RABL6: variants seen among roughly 807,000 people sequenced by gnomAD.
RABL6 encodes the protein RAB, member RAS oncogene family like 6.
A neutral mutation model predicts 72.9 loss-of-function variants in RABL6; 28 were observed. The observed-to-expected ratio is 0.38, with a 90% confidence interval of 0.28 to 0.53. RABL6 has a LOEUF of 0.53. RABL6 is among the 20% of genes least tolerant of loss of function. The pLI is 0.80. For missense variants in RABL6, 1,029 were observed against 1,008.4 expected (o/e 1.02, Z -0.28); for synonymous variants, 477 against 421.2 (o/e 1.13, Z -1.62).
In RABL6 at chr9:136,832,358, T is replaced by G; in HGVS notation, c.693T>G (p.Phe231Leu). Residue 231 changes from phenylalanine (F) to leucine (L), a missense_variant, in exon 7 of 15, where the codon TTT becomes TTG. Coordinates refer to ENST00000311502, the MANE Select transcript of RABL6 (RefSeq NM_024718.5). ...KYLHKFFNIP[F>L]LQLQRETLLR... ...TTCATAAGTTCTTCAATATCCCATTTTTGCAGCTTCAGGTAAGCACTCACC... is the reference window on the plus strand; with the variant it reads ...TTCATAAGTTCTTCAATATCCCATTGTTGCAGCTTCAGGTAAGCACTCACC... 1 of 1,613,134 alleles carries G rather than the reference T, an allele frequency of 6.2e-7. No individual in the cohort carries two copies. Among genetic ancestry groups the G allele is most frequent in the Non-Finnish European group, 8.5e-7 (1 of 1,179,128 alleles).
At chr9:136,821,593 C>T (rs1290472071) in intron 1 of RABL6, 15 of 987,180 alleles carry the variant, frequency 1.5e-5, no homozygotes, top group East Asian at 1.1e-4. Context: ...GAGCCCAGAG[C>T]TGTGGGCCGC....
intron 3 of RABL6, 121 bp downstream of exon 3, chr9:136,825,947 G>C (rs1391206421): frequency 1.7e-6 from 2 of 1,211,724 alleles, no homozygotes; most frequent in East Asian, 4.7e-5. Flanking sequence ...GGTGCCCAGG[G>C]TCTTGCTGCT....
intron 4 of RABL6, 83 bp downstream of exon 4, chr9:136,828,629 G>C: frequency 1.4e-6 from 2 of 1,453,038 alleles, no homozygotes; most frequent in South Asian, 2.3e-5. Context: ...ACACGCTTTT[G>C]ACCCCAACCA....
chr9:136,824,303 CGTTT>C (rs1848304611), intron 2 of RABL6, among the ~76,000 whole-genome samples: 1 of 131,374 alleles, frequency 7.6e-6, no homozygotes, highest in Non-Finnish European at 1.6e-5. Context: ...TTTGTTTGTT[CGTTT>C]GTTTTTTGGT....
intron 1 of RABL6, among the ~76,000 whole-genome samples, chr9:136,816,725 G>GC (rs1491212671): frequency 2.0e-5 from 2 of 101,600 alleles, no homozygotes; most frequent in Admixed American, 9.3e-5. Context: ...TCAAAAAAAA[G>GC]GGGGGGGGGG....
Position 136,837,564 on chromosome 9 carries a change from C to A in RABL6, c.1028C>A (p.Pro343His), listed in dbSNP as rs542433243. ...CCTGTACCACCCTCAGAGGCCCTGC[C>A]CCCACCTGCGTGCCCCTCAGCCCCC... ...VPPVPPSEALPPPACPSAPAP... is the reference protein window; with the variant it reads ...VPPVPPSEALHPPACPSAPAP... Residue 343 changes from proline (P) to histidine (H), a missense_variant, in exon 9 of 15, where the codon CCC (proline) becomes CAC (histidine). Pro to His is a moderately conservative substitution (Grantham distance 77). Around this residue, in one of 2 missense-constraint regions of RABL6, gnomAD observed 434 missense variants for 536.1 expected, o/e 0.81. Transcript: ENST00000311502. The A allele has an allele frequency of 3.2e-6, 5 of 1,570,788 alleles. No homozygotes were observed. In the South Asian group the frequency reaches 5.8e-5, roughly 18 times the overall value.
At chr9:136,834,174 T>C in intron 7 of RABL6, 4 of 1,267,520 alleles carry the variant, frequency 3.2e-6, no homozygotes, top group East Asian at 2.9e-5. Flanking sequence ...TTTCAGGCCT[T>C]CTTTATGTCA....
In RABL6 at chr9:136,839,335, C is replaced by T. The variant is rs1848643885; in HGVS notation, c.1607C>T (p.Thr536Ile). 1.2e-6 allele frequency: 2 copies of T among 1,612,554 alleles called. No individual in the cohort carries two copies. Among genetic ancestry groups the T allele is most frequent in the Admixed American group, 1.7e-5 (1 of 59,968 alleles). The change falls in exon 12 of 15, where the codon ACC becomes ATC. Residue 536 changes from threonine (T) to isoleucine (I), a missense_variant. Coordinates refer to ENST00000311502, the MANE Select transcript of RABL6 (RefSeq NM_024718.5). ...VRTGPEKRSS[T>I]RPPAEMEPGK... ...ACAGGTCCGGAGAAGCGCAGCAGCA[C>T]CAGGCCCCCTGCTGAGATGGAGCCG...
At position 136,808,035 on chromosome 9, in the gene RABL6, C is replaced by T. The variant is rs2131145229; in HGVS notation, c.-162C>T. On this transcript the variant is annotated 5_prime_UTR_variant, in exon 1 of 15. Transcript: ENST00000311502. The stretch of plus-strand genomic sequence containing the variant: ...AGCCGCGGCTGAGGTTCCCGAGTCG[C>T]CGCTCGGGGCTGCGCTCCGCCGCCG... 1 of 1,057,226 alleles carries T rather than the reference C, an allele frequency of 9.5e-7. No homozygotes were observed. The highest frequency in any genetic ancestry group is 5.5e-5 in the Admixed American group (1 of 18,276). 65.5% of individuals were successfully genotyped at this position (1,057,226 alleles called of 1,614,324 possible). A position where few individuals can be genotyped will look rare whatever the true frequency, so the allele number is the denominator to read the frequency against.
chr9:136,830,123 G>T (rs1219297475), intron 5 of RABL6, among the ~76,000 whole-genome samples: 1 of 152,258 alleles, frequency 6.6e-6, no homozygotes, highest in African/African-American at 2.4e-5. Flanking sequence ...CCTAGCCACA[G>T]CCAGTGCCCG....
At chr9:136,808,463 G>A (rs1158097773) in intron 1 of RABL6, 137 bp downstream of exon 1, 1 of 991,724 alleles carries the variant, frequency 1.0e-6, no homozygotes, top group Non-Finnish European at 1.3e-6. Flanking sequence ...GGGCGCTCCG[G>A]GAGCGGGGGC....
intron 1 of RABL6, chr9:136,812,797 C>T (rs935059241): frequency 8.1e-6 from 3 of 371,140 alleles, no homozygotes; most frequent in African/African-American, 2.1e-5. Context: ...CAAACTTTGT[C>T]TTCTTTCCTT....
chr9:136,836,086 C>T (rs182893115), intron 8 of RABL6: 2 of 436,410 alleles, frequency 4.6e-6, no homozygotes, highest in East Asian at 7.6e-5. Flanking sequence ...CTCTGAGTAC[C>T]GCTGACCGTG....
At chr9:136,822,154 C>T (rs1309896916) in intron 1 of RABL6, 25 of 1,198,276 alleles carry the variant, frequency 2.1e-5, no homozygotes, top group African/African-American at 8.1e-5. Context: ...GGCCGGGCGC[C>T]CTCTGCGTTG....
Position 136,837,350 on chromosome 9 carries a change from C to A in RABL6, c.814C>A (p.Leu272Met). ...ETEDQNYGIFLEMMEARSRGH... is the reference protein window; with the variant it reads ...ETEDQNYGIFMEMMEARSRGH... Reference sequence around the variant, plus strand: ...CACCCGCCTTCTGCCTTTCAGCTTCCTGGAGATGATGGAGGCTCGCAGCCG... The same window carrying A: ...CACCCGCCTTCTGCCTTTCAGCTTCATGGAGATGATGGAGGCTCGCAGCCG... Residue 272 changes from leucine (L) to methionine (M), a missense_variant, in exon 9 of 15, where the codon CTG becomes ATG. Leu to Met is a conservative substitution (Grantham distance 15). Coordinates refer to ENST00000311502, the MANE Select transcript of RABL6 (RefSeq NM_024718.5). 2 of 1,604,598 alleles carry A rather than the reference C, an allele frequency of 1.2e-6. No homozygotes were observed. The highest frequency in any genetic ancestry group is 2.3e-5 in the East Asian group (1 of 44,348).
intron 13 of RABL6, 87 bp downstream of exon 13, chr9:136,839,952 T>C (rs1588375810): frequency 6.5e-7 from 1 of 1,528,172 alleles, no homozygotes; most frequent in African/African-American, 1.4e-5. Flanking sequence ...CTGGCCGGGG[T>C]CCTCTCCTGA....
chr9:136,817,013 G>A (rs1848133068), intron 1 of RABL6, among the ~76,000 whole-genome samples: 4 of 152,170 alleles, frequency 2.6e-5, no homozygotes, highest in Admixed American at 2.6e-4. Flanking sequence ...GTATGCCCAT[G>A]ATATGTGCAA....
chr9:136,813,959 G>A (rs1439096621), intron 1 of RABL6: 1 of 381,768 alleles, frequency 2.6e-6, no homozygotes, highest in Non-Finnish European at 5.2e-6. Context: ...ACTTTGTAAG[G>A]GAGATTTGTA....
rs1848593379 is a variant in RABL6, at chr9:136,836,919, G to A, written c.810-427G>A. The A allele has an allele frequency of 8.7e-6, 3 of 343,556 alleles. No homozygotes were observed. In the Admixed American group the frequency reaches 1.3e-4, roughly 15 times the overall value. The allele number at this position is 343,556 out of a possible 1,614,324, so 21.3% of individuals were successfully genotyped here. A position where few individuals can be genotyped will look rare whatever the true frequency, so the allele number is the denominator to read the frequency against. On this transcript the variant is annotated intron_variant, in intron 8 of 14. Coordinates refer to ENST00000311502, the MANE Select transcript of RABL6 (RefSeq NM_024718.5). The stretch of plus-strand genomic sequence containing the variant: ...GATGGAGTCTCGCTCTGTCGCCCAG[G>A]CTGGAGCGCAGTGGTGTGATCTCGG...
Sources: gnomAD v4.1 joint callset for allele counts (sites outside exome capture counted in the v4.1 genomes callset) on GRCh38, gnomAD v4.1.1 for gene constraint, gnomAD v4.1.1 regional missense constraint, MANE v1.5 for transcripts, NCBI Gene and HGNC (gene_info 2026-07-23, HGNC 2026-07-21) for gene names.